SORBS3: variants seen among roughly 807,000 people sequenced by gnomAD.
The protein encoded by SORBS3 is vinexin.
A neutral mutation model predicts 98.0 loss-of-function variants in SORBS3; 69 were observed. The observed-to-expected ratio is 0.70, with a 90% confidence interval of 0.58 to 0.86. The LOEUF (loss-of-function observed/expected upper bound fraction) is 0.86, where lower values mean the gene tolerates loss of function less well. Among genes scored for constraint, SORBS3 ranks in the 40% least tolerant of loss-of-function variants. The pLI, the probability that SORBS3 is intolerant of heterozygous loss-of-function variation, is 0.00. For synonymous variants in SORBS3, 394 were observed against 355.4 expected (o/e 1.11, Z -1.22); for missense variants, 954 against 908.5 (o/e 1.05, Z -0.64).
rs1044672132 is a variant in SORBS3 at position 22,566,887 on chromosome 8, C to T, written c.1190+19C>T. ...CCCCCAAGTAAGCGCCCTCCTCCCC[C>T]TCCCCTTCCACCCAAGGCAATCTCT... is the stretch of plus-strand genomic sequence containing the variant. On this transcript the variant is annotated intron_variant, in intron 15 of 20. Transcript: ENST00000240123. 37 of 1,603,458 alleles carry T rather than the reference C, an allele frequency of 2.3e-5. No homozygotes were observed. The highest frequency in any genetic ancestry group is 3.0e-5 in the Non-Finnish European group (35 of 1,175,082).
chr8:22,567,964 C>G (rs541127156), intron 16 of SORBS3, among the ~76,000 whole-genome samples: 5 of 152,150 alleles, frequency 3.3e-5, no homozygotes, highest in African/African-American at 9.6e-5. Flanking sequence ...TCTCCTGCCC[C>G]AGCTTCCTAA....
intron 18 of SORBS3, 64 bp from the exon 19 acceptor site, chr8:22,571,654 T>A: frequency 3.1e-6 from 4 of 1,308,706 alleles, no homozygotes; most frequent in Non-Finnish European, 4.4e-6. Flanking sequence ...GCCTCCTCCC[T>A]CAGGCTTACA....
chr8:22,553,874 G>T (rs1282291408), intron 1 of SORBS3, among the ~76,000 whole-genome samples: 1 of 152,040 alleles, frequency 6.6e-6, no homozygotes, highest in East Asian at 1.9e-4. Flanking sequence ...CTGTGAGCTC[G>T]CAAGAGTGGG....
intron 19 of SORBS3, among the ~76,000 whole-genome samples, chr8:22,572,072 G>A (rs1840601765): frequency 1.3e-5 from 2 of 152,176 alleles, no homozygotes; most frequent in Admixed American, 1.3e-4. Flanking sequence ...CCCTGAGGTC[G>A]GTGCATGTAT....
In SORBS3 at chr8:22,574,956, C is replaced by G. The variant is rs566420370; in HGVS notation, c.*228C>G. The G allele has an allele frequency of 1.5e-6, 1 of 679,680 alleles. No individual in the cohort carries two copies. Among genetic ancestry groups the G allele is most frequent in the East Asian group, 2.8e-5 (1 of 35,554 alleles). The allele number at this position is 679,680 out of a possible 1,614,324, so 42.1% of individuals were successfully genotyped here. ...CACAGCCCTTTCATTTCCTCCCCAC[C>G]CCACTCCCCAAATACAGAGGTCTGC... On this transcript the variant is annotated 3_prime_UTR_variant, in exon 21 of 21. Transcript: ENST00000240123.
intron 7 of SORBS3, among the ~76,000 whole-genome samples, chr8:22,562,533 C>T (rs193235568): frequency 0.01 from 1,586 of 152,318 alleles, 16 homozygotes; most frequent in Non-Finnish European, 0.015. Context: ...TTCTTATTCC[C>T]TTGCAGGGAA....
chr8:22,553,227 G>GT (rs1214465997), intron 1 of SORBS3, among the ~76,000 whole-genome samples: 1 of 151,992 alleles, frequency 6.6e-6, no homozygotes, highest in African/African-American at 2.4e-5. Context: ...CCCTCCGGTG[G>GT]TCCCCCCAGA....
At chr8:22,555,614 G>T (rs984503481) in intron 3 of SORBS3, among the ~76,000 whole-genome samples, 3 of 151,890 alleles carry the variant, frequency 2.0e-5, no homozygotes, top group African/African-American at 7.3e-5. Flanking sequence ...ACACTGAGAG[G>T]CTGAGGTGTG....
intron 7 of SORBS3, among the ~76,000 whole-genome samples, chr8:22,563,488 C>T (rs1840338353): frequency 6.6e-6 from 1 of 152,160 alleles, no homozygotes. Flanking sequence ...GGCAGAGCTG[C>T]CTCTGGCTTT....
At position 22,570,954 on chromosome 8, in the gene SORBS3, C is replaced by T. The variant is rs372978402; in HGVS notation, c.1476C>T (p.Tyr492=). Residue 492 remains tyrosine (Y), a synonymous_variant, in exon 18 of 21, where the codon TAC becomes TAT. Transcript: ENST00000240123. ...CLIRKVNENW[Y]EGRITGTGRQ... is the part of the protein sequence containing the mutation. ...TCCGCAAGGTGAACGAGAACTGGTA[C>T]GAGGGACGCATCACGGGCACGGGGC... The T allele has an allele frequency of 1.2e-4, 191 of 1,612,374 alleles. No homozygotes were observed. Among genetic ancestry groups the T allele is most frequent in the East Asian group, 2.2e-4 (10 of 44,870 alleles).
At chr8:22,562,050 G>A in intron 7 of SORBS3, 119 bp downstream of exon 7, 1 of 882,152 alleles carries the variant, frequency 1.1e-6, no homozygotes, top group South Asian at 1.5e-5. Context: ...CAGGAGTGGG[G>A]TCTCACTTCC....
At chr8:22,558,023 G>A in intron 4 of SORBS3, 106 bp from the exon 5 acceptor site, 1 of 1,034,210 alleles carries the variant, frequency 9.7e-7, no homozygotes, top group Non-Finnish European at 1.5e-6. Flanking sequence ...CCTATGGGGG[G>A]TTCAGGGATG....
chr8:22,572,259 T>TG, intron 19 of SORBS3, 81 bp from the exon 20 acceptor site: 1 of 1,139,104 alleles, frequency 8.8e-7, no homozygotes, highest in Non-Finnish European at 1.3e-6. Context: ...GAAGGGACCC[T>TG]GGGGCATTCA....
Position 22,570,664 on chromosome 8 carries a change from G to T in SORBS3, c.1432-246G>T, listed in dbSNP as rs530372417. ...AGGGACCTTGCTATGAACGCCGAAG[G>T]GGGATGCACACCCGTTGAGCTTCCA... On this transcript the variant is annotated intron_variant, in intron 17 of 20. Coordinates refer to ENST00000240123, the MANE Select transcript of SORBS3 (RefSeq NM_005775.5). Among the ~76,000 whole-genome samples, 41 of 152,254 alleles carry T rather than the reference G, an allele frequency of 2.7e-4. No homozygotes were observed. In the East Asian group the frequency reaches 4.2e-3, roughly 16 times the overall value.
At chr8:22,574,549 G>GCTCCCCTACAGAA in intron 20 of SORBS3, 118 bp from the exon 21 acceptor site, 1 of 952,844 alleles carries the variant, frequency 1.0e-6, no homozygotes, top group Non-Finnish European at 1.6e-6. Flanking sequence ...CCCTCTCTGG[G>GCTCCCCTACAGAA]CTCCCCTACA....
intron 10 of SORBS3, chr8:22,564,869 T>TGGGGGTG: frequency 5.8e-6 from 6 of 1,037,864 alleles, no homozygotes; most frequent in Non-Finnish European, 7.0e-6. Flanking sequence ...GGAAGCAGCG[T>TGGGGGTG]GGGGGTGGGG....
At chr8:22,566,275 G>A (rs891685761) in intron 12 of SORBS3, 70 bp from the exon 13 acceptor site, 12 of 1,516,246 alleles carry the variant, frequency 7.9e-6, no homozygotes, top group Non-Finnish European at 1.1e-5. Flanking sequence ...GGGGGTCAGA[G>A]CGGTCTAGGG....
chr8:22,574,048 G>A (rs1051659868), intron 20 of SORBS3, among the ~76,000 whole-genome samples: 1 of 152,134 alleles, frequency 6.6e-6, no homozygotes, highest in East Asian at 1.9e-4. Flanking sequence ...GTGACCCTGG[G>A]GTGGTGCCAG....
intron 7 of SORBS3, 71 bp from the exon 8 acceptor site, chr8:22,563,916 A>G: frequency 2.6e-6 from 3 of 1,154,088 alleles, no homozygotes; most frequent in Non-Finnish European, 3.9e-6. Context: ...GCAGGGTGAG[A>G]GGGCTGTGTG....
Sources: gnomAD v4.1 joint callset for allele counts (sites outside exome capture counted in the v4.1 genomes callset) on GRCh38, gnomAD v4.1.1 for gene constraint, MANE v1.5 for transcripts, NCBI Gene and HGNC (gene_info 2026-07-23, HGNC 2026-07-21) for gene names.